Variants in OTUD7A observed in about 807,000 individuals in gnomAD.
The protein encoded by OTUD7A is OTU deubiquitinase 7A.
In OTUD7A, 12 loss-of-function variants were observed where a neutral mutation model predicts 65.7. The ratio of observed to expected loss-of-function variants is 0.18; its 90% CI spans 0.12 to 0.30. The LOEUF (loss-of-function observed/expected upper bound fraction) is 0.30. Ranked by LOEUF, OTUD7A falls within the 10% of genes least tolerant of loss-of-function variation. OTUD7A has a pLI of 1.00. For synonymous variants in OTUD7A, 641 were observed against 586.3 expected (o/e 1.09, Z -1.35); for missense variants, 1,148 against 1,304.8 (o/e 0.88, Z 1.85).
intron 1 of OTUD7A, among the ~76,000 whole-genome samples, chr15:31,788,448 G>A (rs746429133): frequency 2.6e-5 from 4 of 152,124 alleles, no homozygotes; most frequent in Non-Finnish European, 5.9e-5. Context: ...CTCTTTTCTT[G>A]TTTTCACTCC....
intron 1 of OTUD7A, among the ~76,000 whole-genome samples, chr15:31,685,662 A>C (rs78992159): frequency 0.059 from 9,017 of 152,276 alleles, 906 homozygotes; most frequent in African/African-American, 0.21. Context: ...CCGTCTCAAA[A>C]AAAGATCCCA....
At chr15:31,490,951 G>A (rs1191931143) in intron 10 of OTUD7A, among the ~76,000 whole-genome samples, 1 of 152,170 alleles carries the variant, frequency 6.6e-6, no homozygotes, top group Non-Finnish European at 1.5e-5. Flanking sequence ...GGGGATGGGG[G>A]TGACCTTCCT....
intron 1 of OTUD7A, among the ~76,000 whole-genome samples, chr15:31,859,293 A>G (rs183924271): frequency 6.6e-6 from 1 of 152,228 alleles, no homozygotes; most frequent in Admixed American, 6.5e-5. Context: ...AAATAGAGCT[A>G]ATCAATGTAT....
rs1385600425 is a variant in OTUD7A, at chr15:31,768,178, G to A, written c.-100+102329C>T. The A allele has an allele frequency of 5.6e-5, 78 of 1,392,056 alleles. No individual in the cohort carries two copies. The East Asian group carries it at 1.3e-3, about 24-fold the overall frequency. The allele number at this position is 1,392,056 out of a possible 1,614,324, so 86.2% of individuals were successfully genotyped here. A position where few individuals can be genotyped will look rare whatever the true frequency, so the allele number is the denominator to read the frequency against. On this transcript the variant is annotated intron_variant, in intron 1 of 12. Transcript: ENST00000307050. ...ACAGCTTGGTGGCCCGATAAGGCCC[G>A]GGAGGCACAACCCGACTCTCCACAG...
At chr15:31,531,957 G>A (rs1254283963) in intron 5 of OTUD7A, among the ~76,000 whole-genome samples, 1 of 152,136 alleles carries the variant, frequency 6.6e-6, no homozygotes, top group East Asian at 1.9e-4. Flanking sequence ...CCATTCCCCA[G>A]GTATCAACAG....
intron 1 of OTUD7A, among the ~76,000 whole-genome samples, chr15:31,679,589 G>T (rs1892666718): frequency 6.6e-6 from 1 of 152,114 alleles, no homozygotes; most frequent in Admixed American, 6.5e-5. Context: ...CTAAGTGCCT[G>T]GCATTTCCAC....
intron 3 of OTUD7A, among the ~76,000 whole-genome samples, chr15:31,579,821 C>T (rs1889318796): frequency 6.6e-6 from 1 of 152,216 alleles, no homozygotes; most frequent in South Asian, 2.1e-4. Flanking sequence ...CTCATACACA[C>T]TATATATATT....
intron 5 of OTUD7A, among the ~76,000 whole-genome samples, chr15:31,548,133 ACT>A (rs1888193806): frequency 6.7e-6 from 1 of 148,150 alleles, no homozygotes; most frequent in Non-Finnish European, 1.5e-5. Flanking sequence ...GGGATCAGTC[ACT>A]CTGTGTGAGG....
At chr15:31,783,807 A>G (rs1368213238) in intron 1 of OTUD7A, among the ~76,000 whole-genome samples, 1 of 152,214 alleles carries the variant, frequency 6.6e-6, no homozygotes, top group African/African-American at 2.4e-5. Flanking sequence ...ACTGAAAACG[A>G]TCATTTTTCA....
Position 31,484,630 on chromosome 15 carries a change from C to T in OTUD7A, c.1466G>A (p.Cys489Tyr). 6.9e-6 allele frequency: 11 copies of T among 1,593,498 alleles called. No homozygotes were observed. The highest frequency in any genetic ancestry group is 9.4e-6 in the Non-Finnish European group (11 of 1,171,140). Residue 489 changes from cysteine to tyrosine, a missense_variant, in exon 13 of 13, where the codon TGC (cysteine) becomes TAC (tyrosine). Coordinates refer to ENST00000307050, the MANE Select transcript of OTUD7A (RefSeq NM_001382637.1). The surrounding 1 kb of genome is among the most constrained non-coding windows in gnomAD (Gnocchi z 4.5). ...DSLDSDRDSV[C>Y]SNSNSNNGKN... ...GCCGTTATTGCTGTTAGAATTGCTGCACACCGAATCGCGGTCCGAGTCCAG... is the reference window on the plus strand; with the variant it reads ...GCCGTTATTGCTGTTAGAATTGCTGTACACCGAATCGCGGTCCGAGTCCAG...
chr15:31,770,402 A>G (rs1157510407), intron 1 of OTUD7A, among the ~76,000 whole-genome samples: 1 of 152,228 alleles, frequency 6.6e-6, no homozygotes, highest in Non-Finnish European at 1.5e-5. Context: ...AATCAATAAC[A>G]AGCAAAGGAA....
chr15:31,617,339 T>G (rs989236082), intron 3 of OTUD7A, among the ~76,000 whole-genome samples: 4 of 151,992 alleles, frequency 2.6e-5, no homozygotes, highest in Non-Finnish European at 5.9e-5. Context: ...ATACAAAAAT[T>G]AGCTGGCCGT....
rs1190947886 is a variant in OTUD7A, at chr15:31,648,825, A to G, written c.151+6271T>C. Among the ~76,000 whole-genome samples the G allele has an allele frequency of 6.6e-5, 10 of 152,212 alleles. No homozygotes were observed. The East Asian group carries it at 7.7e-4, about 12-fold the overall frequency. ...CTCCAGGCTGGAGTGTAATGGTGCG[A>G]TCTCAGCTCACTACAACCTCCGCCT... On this transcript the variant is annotated intron_variant, in intron 3 of 12. Coordinates refer to ENST00000307050, the MANE Select transcript of OTUD7A (RefSeq NM_001382637.1).
At chr15:31,797,507 T>C (rs575351006) in intron 1 of OTUD7A, among the ~76,000 whole-genome samples, 2 of 152,174 alleles carry the variant, frequency 1.3e-5, no homozygotes, top group Admixed American at 1.3e-4. Flanking sequence ...TAGCCTGTCT[T>C]TTCCCCCAGA....
At chr15:31,513,525 T>C (rs1450762904) in intron 8 of OTUD7A, among the ~76,000 whole-genome samples, 2 of 152,238 alleles carry the variant, frequency 1.3e-5, no homozygotes, top group Non-Finnish European at 2.9e-5. Flanking sequence ...ACCTGGAACA[T>C]TTCTCAGGAT....
At chr15:31,517,906 A>G (rs1014235550) in intron 8 of OTUD7A, among the ~76,000 whole-genome samples, 9 of 152,046 alleles carry the variant, frequency 5.9e-5, no homozygotes, top group African/African-American at 1.7e-4. Flanking sequence ...ATAGATAAGG[A>G]AGCCAGTCTG....
intron 3 of OTUD7A, among the ~76,000 whole-genome samples, chr15:31,570,442 T>TACACACACACACACAC (rs57517466): frequency 7.0e-6 from 1 of 143,218 alleles, no homozygotes; most frequent in Non-Finnish European, 1.5e-5. Flanking sequence ...TTTAGGTTCA[T>TACACACACACACACAC]ACACACACAC....
At chr15:31,742,748 C>T (rs1894376823) in intron 1 of OTUD7A, among the ~76,000 whole-genome samples, 1 of 151,872 alleles carries the variant, frequency 6.6e-6, no homozygotes. Context: ...AATATAAAGA[C>T]ATAGGTAGCG....
intron 4 of OTUD7A, among the ~76,000 whole-genome samples, chr15:31,562,570 C>T (rs1007300107): frequency 1.3e-5 from 2 of 152,014 alleles, no homozygotes; most frequent in African/African-American, 4.8e-5. Context: ...TGTGCTGGGC[C>T]TCCTGTTTCC....
Sources: gnomAD v4.1 joint callset for allele counts (sites outside exome capture counted in the v4.1 genomes callset) on GRCh38, gnomAD v4.1.1 for gene constraint, Gnocchi (gnomAD v3.1) non-coding constraint, MANE v1.5 for transcripts, NCBI Gene and HGNC (gene_info 2026-07-23, HGNC 2026-07-21) for gene names.